FILIP1: variants seen among roughly 807,000 people sequenced by gnomAD.
The protein encoded by FILIP1 is filamin-A-interacting protein 1.
In FILIP1, 61 loss-of-function variants were observed where a neutral mutation model predicts 102.1. The ratio of observed to expected loss-of-function variants is 0.60; its 90% CI spans 0.49 to 0.74. The LOEUF (loss-of-function observed/expected upper bound fraction) is 0.74. Ranked by LOEUF, FILIP1 falls within the 30% of genes least tolerant of loss-of-function variation. The probability of loss-of-function intolerance (pLI) is 0.00; values close to 1 mark genes in which losing one functional copy is unlikely to be tolerated. For synonymous variants in FILIP1, 491 were observed against 526.9 expected (o/e 0.93, Z 0.93); for missense variants, 1,314 against 1,441.2 (o/e 0.91, Z 1.43).
intron 2 of FILIP1, among the ~76,000 whole-genome samples, chr6:75,370,796 C>T (rs1582406356): frequency 6.6e-6 from 1 of 151,838 alleles, no homozygotes; most frequent in Non-Finnish European, 1.5e-5. Flanking sequence ...AGGCTGGTCT[C>T]GAACTCCTGA....
chr6:75,316,577 T>A (rs1021189413), intron 4 of FILIP1, among the ~76,000 whole-genome samples: 10 of 152,150 alleles, frequency 6.6e-5, no homozygotes, highest in African/African-American at 2.2e-4. Flanking sequence ...TAGAAGCTAT[T>A]AATAATTAAA....
intron 2 of FILIP1, among the ~76,000 whole-genome samples, chr6:75,384,258 A>G (rs1224730574): frequency 2.0e-5 from 3 of 152,228 alleles, no homozygotes; most frequent in Non-Finnish European, 2.9e-5. Context: ...TTTGTTTGAA[A>G]TAACAATTTC....
chr6:75,294,932 T>A (rs950606457), exon 7 of FILIP1: 2 of 147,262 alleles, frequency 1.4e-5, no homozygotes, highest in Non-Finnish European at 3.0e-5. Flanking sequence ...CCTGAACTCC[T>A]GGGCTTAAGC....
At position 75,308,655 on chromosome 6, in the gene FILIP1, T is replaced by C; in HGVS notation, c.*36A>G. ...TGAAGGTTCACTTTCACGGCAGCAG[T>C]AGCATCTGCACAACATACCCCCTTA... On this transcript the variant is annotated 3_prime_UTR_variant, in exon 6 of 6. Coordinates refer to ENST00000237172, the MANE Select transcript of FILIP1 (RefSeq NM_015687.5). 6.2e-7 allele frequency: 1 copy of C among 1,608,462 alleles called. No individual in the cohort carries two copies. The highest frequency in any genetic ancestry group is 1.3e-5 in the African/African-American group (1 of 74,934).
At chr6:75,357,159 T>C (rs1582390562) in intron 3 of FILIP1, 1 of 152,302 alleles carries the variant, frequency 6.6e-6, no homozygotes, top group Middle Eastern at 3.4e-3. Flanking sequence ...TTCTTATTTT[T>C]TACTCTGCCT....
chr6:75,368,151 G>A (rs1455412309), intron 2 of FILIP1, among the ~76,000 whole-genome samples: 1 of 152,180 alleles, frequency 6.6e-6, no homozygotes, highest in Non-Finnish European at 1.5e-5. Context: ...GAGGTGTAGG[G>A]AGGCCAAGAA....
chr6:75,297,671 T>A (rs187997864), intron 6 of FILIP1, among the ~76,000 whole-genome samples: 4 of 152,252 alleles, frequency 2.6e-5, no homozygotes. Context: ...TAATATCATG[T>A]AGTTAAAAAT....
chr6:75,341,650 T>C (rs1421515550), intron 4 of FILIP1, among the ~76,000 whole-genome samples: 3 of 152,214 alleles, frequency 2.0e-5, no homozygotes, highest in African/African-American at 7.2e-5. Flanking sequence ...ATTTTGTCAT[T>C]TGGAAATATA....
At chr6:75,389,751 T>G (rs1371599731) in intron 2 of FILIP1, among the ~76,000 whole-genome samples, 3 of 152,176 alleles carry the variant, frequency 2.0e-5, no homozygotes, top group Middle Eastern at 6.8e-3. Context: ...GTTTATTTGA[T>G]TCTTCTCTCT....
At chr6:75,485,069 A>G (rs1779745943) in intron 1 of FILIP1, among the ~76,000 whole-genome samples, 1 of 152,220 alleles carries the variant, frequency 6.6e-6, no homozygotes, top group African/African-American at 2.4e-5. Flanking sequence ...TGGGTGAAAA[A>G]AAAATTACAG....
intron 1 of FILIP1, among the ~76,000 whole-genome samples, chr6:75,456,303 A>G (rs140208165): frequency 6.6e-6 from 1 of 152,332 alleles, no homozygotes; most frequent in East Asian, 1.9e-4. Context: ...ATCCAGCCCA[A>G]AATGCCAATA....
intron 2 of FILIP1, among the ~76,000 whole-genome samples, chr6:75,372,681 GA>G (rs1161193079): frequency 2.2e-5 from 1 of 45,562 alleles, no homozygotes; most frequent in Non-Finnish European, 4.1e-5. Flanking sequence ...AAGAAAGAAA[GA>G]AAGAGAAAGA....
intron 1 of FILIP1, among the ~76,000 whole-genome samples, chr6:75,425,794 T>C (rs1196569106): frequency 6.6e-6 from 1 of 152,160 alleles, no homozygotes; most frequent in African/African-American, 2.4e-5. Context: ...TGTTCTACTC[T>C]CCATATGTAT....
At chr6:75,343,234 T>G (rs1774473247) in intron 4 of FILIP1, among the ~76,000 whole-genome samples, 1 of 152,190 alleles carries the variant, frequency 6.6e-6, no homozygotes, top group Admixed American at 6.5e-5. Context: ...ACCCAACAAT[T>G]CTGGCATCCT....
At chr6:75,438,002 G>A (rs539870054) in intron 1 of FILIP1, among the ~76,000 whole-genome samples, 18 of 152,214 alleles carry the variant, frequency 1.2e-4, no homozygotes, top group Admixed American at 5.9e-4. Flanking sequence ...TGTGTATCAC[G>A]GCTGTCTCAG....
At chr6:75,305,740 T>G (rs1324876727), downstream of FILIP1, among the ~76,000 whole-genome samples, 1 of 151,520 alleles carries the variant, frequency 6.6e-6, no homozygotes, top group Non-Finnish European at 1.5e-5. Flanking sequence ...AAGACCAGGG[T>G]CTCCTCTGTA....
At chr6:75,325,174 G>A (rs752649158) in intron 4 of FILIP1, among the ~76,000 whole-genome samples, 6 of 152,206 alleles carry the variant, frequency 3.9e-5, no homozygotes, top group Non-Finnish European at 7.3e-5. Flanking sequence ...CCAGTACTTT[G>A]GGAGGCCGAG....
chr6:75,314,822 C>A lies in FILIP1; in HGVS notation c.1010G>T (p.Gly337Val), dbSNP rs1773372022. 6.2e-7 allele frequency: 1 copy of A among 1,614,040 alleles called. No individual in the cohort carries two copies. The highest frequency in any genetic ancestry group is 2.2e-5 in the East Asian group (1 of 44,890). Residue 337 changes from glycine to valine, a missense_variant, in exon 5 of 6, where the codon GGC (glycine) becomes GTC (valine). By Grantham distance (109) the Gly-to-Val change is moderately radical. Transcript: ENST00000237172. ...HNRQLRLKLVGLTQRIEELEE... is the reference protein window; with the variant it reads ...HNRQLRLKLVVLTQRIEELEE... ...TAGCTCCTCGATTCTTTGGGTTAAG[C>A]CAACCAGCTTGAGTCTAAGTTGCCT... is the stretch of plus-strand genomic sequence containing the variant.
intron 6 of FILIP1, among the ~76,000 whole-genome samples, chr6:75,298,571 TACTC>T (rs1304333470): frequency 3.3e-5 from 5 of 152,304 alleles, no homozygotes; most frequent in South Asian, 2.1e-4. Context: ...CTGCTGAACT[TACTC>T]AATAAGAATC....
Sources: allele counts gnomAD v4.1 joint callset (sites outside exome capture counted in the v4.1 genomes callset), GRCh38; gene constraint gnomAD v4.1.1; transcripts MANE v1.5; gene names NCBI Gene and HGNC (gene_info 2026-07-23, HGNC 2026-07-21).